The following RANBP2 variants were observed in gnomAD, a reference collection of about 807,000 sequenced individuals.
The protein encoded by RANBP2 is E3 SUMO-protein ligase RanBP2.
A neutral mutation model predicts 303.6 loss-of-function variants in RANBP2; 57 were observed. The ratio of observed to expected loss-of-function variants is 0.19; its 90% CI spans 0.15 to 0.23. The LOEUF (loss-of-function observed/expected upper bound fraction) is 0.23. RANBP2 is among the 10% of genes least tolerant of loss of function. RANBP2 has a pLI of 1.00. For synonymous variants in RANBP2, 1,167 were observed against 1,301.5 expected (o/e 0.90, Z 2.23); for missense variants, 3,138 against 3,780.8 (o/e 0.83, Z 4.46).
intron 23 of RANBP2, 106 bp from the exon 24 acceptor site, chr2:108,775,626 C>T: frequency 8.5e-7 from 1 of 1,174,462 alleles, no homozygotes. Context: ...TTTATTCTAT[C>T]TTCTCCAGAA....
At chr2:108,990,167 C>T in the RANBP2 span, among the ~76,000 whole-genome samples, 1 of 151,752 alleles carries the variant, frequency 6.6e-6, no homozygotes, top group Non-Finnish European at 1.5e-5. Context: ...CGCGGTGGCT[C>T]ACGCCTGTAA....
the RANBP2 span, among the ~76,000 whole-genome samples, chr2:109,667,459 C>T: frequency 6.6e-6 from 1 of 152,164 alleles, no homozygotes; most frequent in Non-Finnish European, 1.5e-5. Context: ...TATTTCCAGT[C>T]CTTTGCTTGG....
the RANBP2 span, among the ~76,000 whole-genome samples, chr2:109,015,524 G>A: frequency 9.9e-5 from 15 of 152,094 alleles, no homozygotes; most frequent in South Asian, 2.1e-4. Flanking sequence ...TTGGGAGGCC[G>A]AGGTGGGTGG....
At chr2:109,430,228 A>T in the RANBP2 span, among the ~76,000 whole-genome samples, 41 of 152,350 alleles carry the variant, frequency 2.7e-4, 1 homozygote, top group East Asian at 7.5e-3. Context: ...CGCATTCTGC[A>T]TGTGGCCACT....
At chr2:109,743,784 T>C in the RANBP2 span, among the ~76,000 whole-genome samples, 28 of 92,416 alleles carry the variant, frequency 3.0e-4, 12 homozygotes, top group Admixed American at 1.0e-3. Flanking sequence ...CCTCCCATCC[T>C]CCTCATTTAC....
the RANBP2 span, among the ~76,000 whole-genome samples, chr2:109,249,597 C>T: frequency 2.2e-5 from 3 of 138,378 alleles, no homozygotes; most frequent in Non-Finnish European, 4.6e-5. Context: ...TCCTTTCTTT[C>T]TTTTTCTTTC....
chr2:108,964,649 C>T, the RANBP2 span, among the ~76,000 whole-genome samples: 3 of 152,166 alleles, frequency 2.0e-5, no homozygotes, highest in South Asian at 6.2e-4. Context: ...GCAAATAGCA[C>T]TCCAATTCCA....
the RANBP2 span, among the ~76,000 whole-genome samples, chr2:109,542,302 T>C: frequency 6.6e-6 from 1 of 152,198 alleles, no homozygotes; most frequent in Non-Finnish European, 1.5e-5. Flanking sequence ...AAATTCACAT[T>C]GCGGCTGAAG....
chr2:109,624,345 T>C, the RANBP2 span, among the ~76,000 whole-genome samples: 1 of 152,190 alleles, frequency 6.6e-6, no homozygotes, highest in Non-Finnish European at 1.5e-5. Context: ...TTTAAGAAAT[T>C]CACCTGGAAG....
the RANBP2 span, among the ~76,000 whole-genome samples, chr2:109,480,536 T>A: frequency 6.6e-6 from 1 of 151,996 alleles, no homozygotes; most frequent in African/African-American, 2.4e-5. Flanking sequence ...TGAATTAGTG[T>A]CTCAGGGGGC....
At position 108,764,851 on chromosome 2, in the gene RANBP2, T is replaced by G. The variant is rs774651171; in HGVS notation, c.4312T>G (p.Cys1438Gly). The change falls in exon 20 of 29, where the codon TGT becomes GGT. Residue 1438 changes from cysteine to glycine, a missense_variant. Physicochemically the swap from Cys to Gly is radical, Grantham distance 159. This residue lies in a region of RANBP2 where 388 missense variants were observed against 328.5 expected (regional missense o/e 1.18). Coordinates refer to ENST00000283195, the MANE Select transcript of RANBP2 (RefSeq NM_006267.5). ...NEPTVSRCIA[C>G]QNTKSANKSG... ...ACCTACTGTATCTAGGTGCATTGCG[T>G]GTCAGAATACAAAATCTGCTAACAA... 4 of 1,614,062 alleles carry G rather than the reference T, an allele frequency of 2.5e-6. No homozygotes were observed. The highest frequency in any genetic ancestry group is 3.4e-6 in the Non-Finnish European group (4 of 1,179,932).
the RANBP2 span, chr2:109,613,823 G>A: frequency 2.0e-3 from 2,531 of 1,237,342 alleles, 1 homozygote; most frequent in Non-Finnish European, 2.4e-3. Context: ...CTCGGAGGAG[G>A]CCATGGTCGC....
chr2:108,748,659 A>G (rs1339879853), intron 8 of RANBP2, among the ~76,000 whole-genome samples: 3 of 152,092 alleles, frequency 2.0e-5, no homozygotes, highest in Non-Finnish European at 4.4e-5. Context: ...CTGAAATGCA[A>G]ATATGTTTGG....
chr2:109,663,640 G>A, the RANBP2 span, among the ~76,000 whole-genome samples: 2 of 152,184 alleles, frequency 1.3e-5, no homozygotes, highest in African/African-American at 2.4e-5. Flanking sequence ...ACTATATTAG[G>A]AAGATAAAAT....
At chr2:108,791,037 C>T in the RANBP2 span, among the ~76,000 whole-genome samples, 1 of 152,152 alleles carries the variant, frequency 6.6e-6, no homozygotes, top group Non-Finnish European at 1.5e-5. Context: ...GCTGAGATCA[C>T]AGGCGTGAGC....
chr2:109,069,547 T>C, the RANBP2 span, among the ~76,000 whole-genome samples: 1 of 152,222 alleles, frequency 6.6e-6, no homozygotes, highest in Non-Finnish European at 1.5e-5. Context: ...GGCTAAAGAT[T>C]TGCAACATCA....
the RANBP2 span, among the ~76,000 whole-genome samples, chr2:109,596,499 C>G: frequency 6.6e-6 from 1 of 151,970 alleles, no homozygotes; most frequent in Non-Finnish European, 1.5e-5. Context: ...CACCTGTAGT[C>G]CCAGCTACTC....
At chr2:109,078,716 T>C in the RANBP2 span, among the ~76,000 whole-genome samples, 103 of 146,732 alleles carry the variant, frequency 7.0e-4, 2 homozygotes, top group Non-Finnish European at 1.4e-3. Context: ...GGCGCGTTGG[T>C]GCGCGCCTGT....
chr2:108,772,754 T>G, intron 22 of RANBP2, 114 bp from the exon 23 acceptor site: 1 of 1,248,882 alleles, frequency 8.0e-7, no homozygotes, highest in Non-Finnish European at 1.1e-6. Context: ...TGTTTTTCAT[T>G]AGTATGTACA....
Sources: allele counts gnomAD v4.1 joint callset (sites outside exome capture counted in the v4.1 genomes callset), GRCh38; gene constraint gnomAD v4.1.1; regional missense constraint gnomAD v4.1.1; transcripts MANE v1.5; gene names NCBI Gene and HGNC (gene_info 2026-07-23, HGNC 2026-07-21).